Variants in HMCN1 observed in about 807,000 individuals in gnomAD.
The protein encoded by HMCN1 is hemicentin 1, also known as hemicentin-1.
A neutral mutation model predicts 625.9 loss-of-function variants in HMCN1; 321 were observed. That is an observed-to-expected ratio of 0.51 (90% CI 0.47 to 0.56). The LOEUF is 0.56. Among genes scored for constraint, HMCN1 ranks in the 20% least tolerant of loss-of-function variants. The pLI, the probability that HMCN1 is intolerant of heterozygous loss-of-function variation, is 0.00. For synonymous variants in HMCN1, 2,425 were observed against 2,417.6 expected (o/e 1.00, Z -0.09); for missense variants, 6,588 against 6,887.3 (o/e 0.96, Z 1.54).
intron 4 of HMCN1, among the ~76,000 whole-genome samples, chr1:185,904,444 T>C (rs1665982849): frequency 6.6e-6 from 1 of 151,898 alleles, no homozygotes; most frequent in South Asian, 2.1e-4. Flanking sequence ...CTTAACAATT[T>C]GGTGCCAAAA....
intron 71 of HMCN1, among the ~76,000 whole-genome samples, chr1:186,108,931 A>T (rs1054305834): frequency 2.0e-5 from 3 of 152,182 alleles, no homozygotes; most frequent in African/African-American, 7.2e-5. Context: ...GAAACCATCA[A>T]AGTCTCAAAA....
chr1:185,853,296 A>G (rs955825429), intron 2 of HMCN1, among the ~76,000 whole-genome samples: 1 of 152,176 alleles, frequency 6.6e-6, no homozygotes. Context: ...GACAAAGTTA[A>G]TAATAAAATC....
chr1:186,033,549 A>C (rs1265260112), intron 36 of HMCN1, among the ~76,000 whole-genome samples: 4 of 152,164 alleles, frequency 2.6e-5, no homozygotes, highest in African/African-American at 7.2e-5. Flanking sequence ...TATGTAATTA[A>C]TAGTTATACT....
chr1:185,894,012 G>C (rs1466913048), intron 4 of HMCN1, among the ~76,000 whole-genome samples: 1 of 151,776 alleles, frequency 6.6e-6, no homozygotes, highest in Non-Finnish European at 1.5e-5. Context: ...GCGGGCCCCT[G>C]TAGTCCCAGC....
chr1:185,796,136 G>T (rs1405458151), intron 1 of HMCN1, among the ~76,000 whole-genome samples: 3 of 152,182 alleles, frequency 2.0e-5, no homozygotes, highest in Non-Finnish European at 4.4e-5. Context: ...ACAGTGAAAG[G>T]ATGTGGTTTG....
At chr1:185,737,150 T>C (rs1358539757) in intron 1 of HMCN1, among the ~76,000 whole-genome samples, 3 of 149,892 alleles carry the variant, frequency 2.0e-5, no homozygotes, top group East Asian at 3.9e-4. Flanking sequence ...AGTTTTTTTG[T>C]TGTTGTTTAT....
chr1:185,758,944 A>G (rs893856183), intron 1 of HMCN1, among the ~76,000 whole-genome samples: 5 of 152,112 alleles, frequency 3.3e-5, no homozygotes, highest in African/African-American at 1.2e-4. Flanking sequence ...GTGGATTCAA[A>G]CCTGGGTATG....
chr1:186,016,565 T>G (rs1246244774), intron 32 of HMCN1, among the ~76,000 whole-genome samples: 1 of 152,088 alleles, frequency 6.6e-6, no homozygotes, highest in Non-Finnish European at 1.5e-5. Context: ...AACAGGAAAC[T>G]CAGTCTCTGG....
At chr1:186,055,729 C>T (rs1657274310) in intron 45 of HMCN1, 55 bp downstream of exon 45, 1 of 1,548,698 alleles carries the variant, frequency 6.5e-7, no homozygotes, top group Middle Eastern at 1.7e-4. Flanking sequence ...ATCTAGCATC[C>T]TGGATGGGAG....
At position 186,023,015 on chromosome 1, in the gene HMCN1, T is replaced by C; in HGVS notation, c.5626-15T>C. 1.2e-6 allele frequency: 2 copies of C among 1,612,928 alleles called. No homozygotes were observed. Among genetic ancestry groups the C allele is most frequent in the East Asian group, 2.2e-5 (1 of 44,812 alleles). On this transcript the variant is annotated splice_polypyrimidine_tract_variant and intron_variant, in intron 35 of 106. Coordinates refer to ENST00000271588, the MANE Select transcript of HMCN1 (RefSeq NM_031935.3). ...TAAGATACAAAAATCCTCTGTGCTT[T>C]CTGCTCCCAATTAGATACAGTCTTC...
At chr1:186,151,437 A>T (rs1402268860) in intron 94 of HMCN1, 88 bp downstream of exon 94, 1 of 1,351,906 alleles carries the variant, frequency 7.4e-7, no homozygotes, top group Non-Finnish European at 1.0e-6. Flanking sequence ...GAATGCTACT[A>T]CTAACTCATA....
In HMCN1 at chr1:185,911,689, A is replaced by C. The variant is rs775714638; in HGVS notation, c.809A>C (p.Lys270Thr). 1 of 1,611,782 alleles carries C rather than the reference A, an allele frequency of 6.2e-7. No individual in the cohort carries two copies. Among genetic ancestry groups the C allele is most frequent in the East Asian group, 2.2e-5 (1 of 44,852 alleles). The change falls in exon 6 of 107, where the codon AAG (lysine) becomes ACG (threonine). Residue 270 changes from lysine to threonine, a missense_variant. Coordinates refer to ENST00000271588, the MANE Select transcript of HMCN1 (RefSeq NM_031935.3). ...IRNPLGKLIKKGFGLHELLNI... is the reference protein window; with the variant it reads ...IRNPLGKLIKTGFGLHELLNI... Reference sequence around the variant, plus strand: ...TGTCTTTCAGGGAAGCTGATAAAAAAGGGATTTGGCCTGCATGAGCTATTA... The same window carrying C: ...TGTCTTTCAGGGAAGCTGATAAAAACGGGATTTGGCCTGCATGAGCTATTA...
chr1:186,087,038 G>A (rs1659540883), intron 58 of HMCN1, among the ~76,000 whole-genome samples, 179 bp from the exon 59 acceptor site: 1 of 152,038 alleles, frequency 6.6e-6, no homozygotes, highest in South Asian at 2.1e-4. Flanking sequence ...AAGGAACTAG[G>A]TGAATAATAA....
chr1:185,965,112 A>G (rs1650311226), intron 13 of HMCN1, among the ~76,000 whole-genome samples: 1 of 152,134 alleles, frequency 6.6e-6, no homozygotes, highest in Non-Finnish European at 1.5e-5. Context: ...GAAGTCCTAA[A>G]ATATCTCGTT....
intron 4 of HMCN1, among the ~76,000 whole-genome samples, chr1:185,886,963 C>G (rs935974981): frequency 6.6e-6 from 1 of 152,126 alleles, no homozygotes; most frequent in Admixed American, 6.6e-5. Context: ...ATACTCCATT[C>G]CCCACTCTAA....
intron 1 of HMCN1, among the ~76,000 whole-genome samples, chr1:185,791,389 G>A (rs929937820): frequency 6.6e-6 from 1 of 152,122 alleles, no homozygotes; most frequent in African/African-American, 2.4e-5. Flanking sequence ...ATTGTAGAGT[G>A]ATGTGGGTTA....
At chr1:186,183,167 A>G (rs1051640912) in intron 105 of HMCN1, among the ~76,000 whole-genome samples, 2 of 152,208 alleles carry the variant, frequency 1.3e-5, no homozygotes, top group African/African-American at 4.8e-5. Flanking sequence ...CCTTTTGTAA[A>G]GTATAGCAAA....
chr1:186,164,219 T>C (rs1290372500), intron 97 of HMCN1, among the ~76,000 whole-genome samples: 1 of 151,676 alleles, frequency 6.6e-6, no homozygotes, highest in Non-Finnish European at 1.5e-5. Context: ...AGCTTTTTTG[T>C]TTCTGACATC....
intron 11 of HMCN1, among the ~76,000 whole-genome samples, chr1:185,952,059 G>A (rs949929735): frequency 1.3e-5 from 2 of 151,742 alleles, no homozygotes; most frequent in South Asian, 2.1e-4. Context: ...GCTGTAAAGC[G>A]TTTCAGGGTT....
Sources: allele counts gnomAD v4.1 joint callset (sites outside exome capture counted in the v4.1 genomes callset), GRCh38; gene constraint gnomAD v4.1.1; transcripts MANE v1.5; gene names NCBI Gene and HGNC (gene_info 2026-07-23, HGNC 2026-07-21).